Variants in NTRK3 observed in about 807,000 individuals in gnomAD.
NTRK3 encodes NT-3 growth factor receptor.
A neutral mutation model predicts 91.7 loss-of-function variants in NTRK3; 24 were observed. That is an observed-to-expected ratio of 0.26 (90% CI 0.19 to 0.37). The LOEUF (loss-of-function observed/expected upper bound fraction) is 0.37, where lower values mean the gene tolerates loss of function less well. Among genes scored for constraint, NTRK3 ranks in the 10% least tolerant of loss-of-function variants. The pLI is 1.00. For synonymous variants in NTRK3, 483 were observed against 404.0 expected (o/e 1.20, Z -2.34); for missense variants, 880 against 1,068.9 (o/e 0.82, Z 2.46).
rs148498247 is a variant in NTRK3, at chr15:88,073,099, A to G, written c.1397-40054T>C. Reference sequence around the variant, plus strand: ...GACAGATCCCAGAGCTATTAATAACATTGGTGTAAAGACACCTGCGGTTCT... The same window carrying G: ...GACAGATCCCAGAGCTATTAATAACGTTGGTGTAAAGACACCTGCGGTTCT... On this transcript the variant is annotated intron_variant, in intron 13 of 18. Coordinates refer to ENST00000394480, the Ensembl canonical transcript of NTRK3. Among the ~76,000 whole-genome samples the G allele has an allele frequency of 5.3e-4, 81 of 152,290 alleles. No individual in the cohort carries two copies. The Middle Eastern group carries it at 0.031, about 58-fold the overall frequency.
At chr15:88,175,252 C>A (rs1319999443) in intron 5 of NTRK3, among the ~76,000 whole-genome samples, 1 of 152,202 alleles carries the variant, frequency 6.6e-6, no homozygotes, top group Non-Finnish European at 1.5e-5. Context: ...AAGACGCCAG[C>A]TAATGGAGCA....
chr15:87,898,783 C>CA (rs1241102230), intron 17 of NTRK3, among the ~76,000 whole-genome samples: 4 of 130,924 alleles, frequency 3.1e-5, no homozygotes, highest in African/African-American at 1.2e-4. Context: ...GTCTGGAGTT[C>CA]AAGACCAGCC....
intron 5 of NTRK3, among the ~76,000 whole-genome samples, chr15:88,169,854 C>T (rs948751453): frequency 6.6e-6 from 1 of 152,148 alleles, no homozygotes; most frequent in African/African-American, 2.4e-5. Context: ...TGCACCCATC[C>T]TTAGGTTTCA....
At chr15:87,994,170 G>A (rs1596574293) in intron 14 of NTRK3, among the ~76,000 whole-genome samples, 1 of 152,104 alleles carries the variant, frequency 6.6e-6, no homozygotes, top group Admixed American at 6.6e-5. Context: ...AAATGCATGG[G>A]CTGGGGAGCG....
chr15:88,100,682 G>A (rs1327410840), intron 13 of NTRK3, among the ~76,000 whole-genome samples: 1 of 152,142 alleles, frequency 6.6e-6, no homozygotes, highest in African/African-American at 2.4e-5. Context: ...GTGAATGCCT[G>A]GGGCTCTGTC....
chr15:88,125,693 C>G (rs1288774911), intron 13 of NTRK3, among the ~76,000 whole-genome samples: 1 of 152,188 alleles, frequency 6.6e-6, no homozygotes, highest in Non-Finnish European at 1.5e-5. Context: ...TCCCACCACC[C>G]CACCCTGCCA....
At chr15:88,155,131 C>T (rs2043766970) in intron 5 of NTRK3, among the ~76,000 whole-genome samples, 1 of 152,194 alleles carries the variant, frequency 6.6e-6, no homozygotes, top group South Asian at 2.1e-4. Flanking sequence ...TTAACTTACA[C>T]CGCAGAGGTG....
intron 14 of NTRK3, among the ~76,000 whole-genome samples, chr15:87,959,664 G>C (rs1028019211): frequency 1.3e-5 from 2 of 152,172 alleles, no homozygotes; most frequent in African/African-American, 2.4e-5. Flanking sequence ...CATCCCAGCT[G>C]CTCCTCAATC....
chr15:88,009,543 C>A (rs1401851555), intron 14 of NTRK3, among the ~76,000 whole-genome samples: 2 of 152,152 alleles, frequency 1.3e-5, no homozygotes, highest in Non-Finnish European at 2.9e-5. Context: ...TTTGTGTGAA[C>A]CTTGTCAAGT....
chr15:88,193,701 C>T (rs991770337), intron 3 of NTRK3, among the ~76,000 whole-genome samples: 4 of 152,188 alleles, frequency 2.6e-5, no homozygotes, highest in East Asian at 1.9e-4. Context: ...ACTTTCTACC[C>T]GGCCTCAACC....
At chr15:88,187,645 G>T (rs998121714) in intron 3 of NTRK3, among the ~76,000 whole-genome samples, 21 of 152,148 alleles carry the variant, frequency 1.4e-4, no homozygotes, top group African/African-American at 3.9e-4. Context: ...TTGAGCATTT[G>T]TTTTGTCATT....
At chr15:88,184,095 C>T in intron 4 of NTRK3, 130 bp downstream of exon 4, 1 of 897,426 alleles carries the variant, frequency 1.1e-6, no homozygotes, top group South Asian at 1.4e-5. Flanking sequence ...CCAACTCTAC[C>T]AAAAGAAGAC....
At chr15:87,900,668 TCAG>T (rs2141645998) in intron 17 of NTRK3, among the ~76,000 whole-genome samples, 1 of 150,802 alleles carries the variant, frequency 6.6e-6, no homozygotes, top group East Asian at 2.0e-4. Flanking sequence ...ACCTGCAGCA[TCAG>T]CAGCCTGACT....
intron 3 of NTRK3, among the ~76,000 whole-genome samples, chr15:88,226,710 C>T (rs780657166): frequency 1.3e-5 from 2 of 152,260 alleles, no homozygotes; most frequent in African/African-American, 2.4e-5. Flanking sequence ...CCTGGGCCCA[C>T]ACTCACATGG....
intron 14 of NTRK3, among the ~76,000 whole-genome samples, chr15:87,967,775 T>C (rs1028783179): frequency 6.6e-6 from 1 of 152,230 alleles, no homozygotes; most frequent in African/African-American, 2.4e-5. Flanking sequence ...TCTTGTATAT[T>C]TTCCACATTC....
chr15:88,106,756 C>T (rs1003927206), intron 13 of NTRK3, among the ~76,000 whole-genome samples: 6 of 151,966 alleles, frequency 3.9e-5, no homozygotes, highest in African/African-American at 1.5e-4. Context: ...CATGGTGAAA[C>T]CCTGTCTCTA....
At chr15:88,068,936 G>C (rs1038890192) in intron 13 of NTRK3, among the ~76,000 whole-genome samples, 2 of 152,126 alleles carry the variant, frequency 1.3e-5, no homozygotes, top group African/African-American at 2.4e-5. Flanking sequence ...GGAAAGTAGA[G>C]CAGGAAGAAG....
chr15:87,979,600 A>C, intron 14 of NTRK3: 1 of 671,006 alleles, frequency 1.5e-6, no homozygotes, highest in Admixed American at 2.6e-5. Context: ...AAAGGGAAGG[A>C]TAGGAGGAGG....
chr15:87,956,655 C>A (rs144423643), intron 14 of NTRK3, among the ~76,000 whole-genome samples: 5 of 152,044 alleles, frequency 3.3e-5, no homozygotes, highest in Admixed American at 1.3e-4. Flanking sequence ...CAACAACCCC[C>A]GCCTCCTGGG....
Sources: gnomAD v4.1 joint callset for allele counts (sites outside exome capture counted in the v4.1 genomes callset) on GRCh38, gnomAD v4.1.1 for gene constraint, MANE v1.5 for transcripts, NCBI Gene and HGNC (gene_info 2026-07-23, HGNC 2026-07-21) for gene names.